Variants in CDKAL1 observed in about 807,000 individuals in gnomAD.
CDKAL1 encodes threonylcarbamoyladenosine tRNA methylthiotransferase.
CDKAL1 carries 32 observed loss-of-function variants against 68.2 expected under a neutral mutation model. The ratio of observed to expected loss-of-function variants is 0.47; its 90% confidence interval spans 0.35 to 0.63. The LOEUF is 0.63. Among genes scored for constraint, CDKAL1 ranks in the 30% least tolerant of loss-of-function variants. The pLI is 0.00. For missense variants in CDKAL1, 606 were observed against 696.7 expected, an observed-to-expected ratio of 0.87 and a Z score of 1.47; for synonymous variants, 234 against 244.3, an observed-to-expected ratio of 0.96 and a Z score of 0.39.
intron 9 of CDKAL1, among the ~76,000 whole-genome samples, chr6:20,939,861 T>C (rs1044016581): frequency 6.6e-6 from 1 of 152,202 alleles, no homozygotes; most frequent in Non-Finnish European, 1.5e-5. Context: ...ATTCCACCCA[T>C]GTATGGCAAA....
chr6:20,723,430 C>T (rs1772484706), intron 5 of CDKAL1: 1 of 152,588 alleles, frequency 6.6e-6, no homozygotes, highest in South Asian at 2.1e-4. Flanking sequence ...CCTGTGTCGG[C>T]ATCTGGAGCA....
At chr6:21,009,636 T>TA (rs1767908783) in intron 11 of CDKAL1, among the ~76,000 whole-genome samples, 1 of 152,286 alleles carries the variant, frequency 6.6e-6, no homozygotes, top group East Asian at 1.9e-4. Flanking sequence ...TGGTTAAAGA[T>TA]ATAGCACACA....
chr6:21,079,976 C>CTGTGTGTGTGTA (rs1772293860), intron 12 of CDKAL1, among the ~76,000 whole-genome samples: 1 of 135,750 alleles, frequency 7.4e-6, no homozygotes, highest in Non-Finnish European at 1.6e-5. Context: ...AACTTTGTCT[C>CTGTGTGTGTGTA]TGTGTGTGTG....
chr6:20,777,764 C>A (rs1775235281), intron 7 of CDKAL1, among the ~76,000 whole-genome samples: 1 of 152,218 alleles, frequency 6.6e-6, no homozygotes, highest in Non-Finnish European at 1.5e-5. Flanking sequence ...GAGTACCAAA[C>A]CCTGTATGTA....
intron 11 of CDKAL1, among the ~76,000 whole-genome samples, chr6:21,001,182 A>AT (rs1767407687): frequency 6.6e-6 from 1 of 151,990 alleles, no homozygotes; most frequent in Non-Finnish European, 1.5e-5. Context: ...CTTTTCATAC[A>AT]TTTTTTCCAT....
At chr6:20,579,617 G>A (rs965152312) in intron 4 of CDKAL1, among the ~76,000 whole-genome samples, 9 of 152,134 alleles carry the variant, frequency 5.9e-5, no homozygotes, top group African/African-American at 2.2e-4. Context: ...GTAATACGAA[G>A]TTAAAGAACT....
intron 13 of CDKAL1, among the ~76,000 whole-genome samples, chr6:21,151,361 AC>A (rs1411526403): frequency 1.3e-5 from 2 of 152,218 alleles, no homozygotes; most frequent in Non-Finnish European, 2.9e-5. Context: ...TTTGTGTGTT[AC>A]CTAGCTCTGG....
At chr6:20,566,604 G>A (rs1420445822) in intron 4 of CDKAL1, among the ~76,000 whole-genome samples, 1 of 152,100 alleles carries the variant, frequency 6.6e-6, no homozygotes, top group Non-Finnish European at 1.5e-5. Context: ...GTTTTATTAA[G>A]CAAGGGCTTA....
chr6:21,065,289 T>TGAAGGTAGGCAACACAGC, intron 12 of CDKAL1, 61 bp downstream of exon 12: 1 of 1,252,872 alleles, frequency 8.0e-7, no homozygotes, highest in Non-Finnish European at 1.1e-6. Flanking sequence ...TGCAGCTGTG[T>TGAAGGTAGGCAACACAGC]TGCCTACCTT....
intron 12 of CDKAL1, among the ~76,000 whole-genome samples, chr6:21,088,878 G>A (rs144080913): frequency 5.3e-5 from 8 of 152,232 alleles, no homozygotes; most frequent in African/African-American, 1.7e-4. Flanking sequence ...GGAGGCAGAG[G>A]TTGCATTGAG....
chr6:20,895,445 C>T (rs2150586076), intron 9 of CDKAL1, among the ~76,000 whole-genome samples: 1 of 152,318 alleles, frequency 6.6e-6, no homozygotes, highest in Admixed American at 6.5e-5. Context: ...TCCTGTACTT[C>T]TCTCAGTAGT....
intron 10 of CDKAL1, among the ~76,000 whole-genome samples, chr6:20,967,214 A>G (rs1765363731): frequency 1.3e-5 from 2 of 152,158 alleles, no homozygotes; most frequent in South Asian, 2.1e-4. Flanking sequence ...GATTATATCT[A>G]TTAAGACCCT....
chr6:20,669,170 A>G (rs1769692864), intron 5 of CDKAL1, among the ~76,000 whole-genome samples: 1 of 152,142 alleles, frequency 6.6e-6, no homozygotes, highest in Non-Finnish European at 1.5e-5. Context: ...TACTGTGCAC[A>G]TATCCTATTT....
chr6:21,071,388 C>T (rs1013472211), intron 12 of CDKAL1, among the ~76,000 whole-genome samples: 3 of 152,098 alleles, frequency 2.0e-5, no homozygotes, highest in Admixed American at 6.5e-5. Context: ...CCCCTTCCAC[C>T]GTGATTGTAA....
At chr6:20,591,950 A>G (rs1052422208) in intron 4 of CDKAL1, among the ~76,000 whole-genome samples, 4 of 152,192 alleles carry the variant, frequency 2.6e-5, no homozygotes, top group African/African-American at 9.7e-5. Flanking sequence ...GAATCTATAA[A>G]TTACTTTGGA....
intron 11 of CDKAL1, among the ~76,000 whole-genome samples, chr6:21,050,159 AT>A (rs1247507072): frequency 6.6e-6 from 1 of 152,156 alleles, no homozygotes; most frequent in East Asian, 1.9e-4. Context: ...CTGCTACTAA[AT>A]TTTTTTAGGG....
chr6:21,121,516 T>A (rs189211850), intron 13 of CDKAL1, among the ~76,000 whole-genome samples: 82 of 152,330 alleles, frequency 5.4e-4, no homozygotes, highest in African/African-American at 1.9e-3. Flanking sequence ...AATGTGCATC[T>A]TAGAATCGAT....
chr6:20,996,665 A>G (rs895613492), intron 10 of CDKAL1, among the ~76,000 whole-genome samples: 7 of 152,228 alleles, frequency 4.6e-5, no homozygotes, highest in African/African-American at 1.4e-4. Context: ...CACATCAGAT[A>G]CAGTAATAAT....
At chr6:20,653,711 T>C (rs549094328) in intron 5 of CDKAL1, among the ~76,000 whole-genome samples, 2 of 150,738 alleles carry the variant, frequency 1.3e-5, no homozygotes, top group Admixed American at 1.3e-4. Context: ...AACTCCCGGG[T>C]TCAAGTGATT....
Sources: allele counts gnomAD v4.1 joint callset (sites outside exome capture counted in the v4.1 genomes callset), GRCh38; gene constraint gnomAD v4.1.1; transcripts MANE v1.5; gene names NCBI Gene and HGNC (gene_info 2026-07-23, HGNC 2026-07-21).